EVI5L: variants seen among roughly 807,000 people sequenced by gnomAD.
EVI5L encodes the protein ecotropic viral integration site 5 like.
In EVI5L, 30 loss-of-function variants were observed where a neutral mutation model predicts 106.1. The observed-to-expected ratio is 0.28, with a 90% CI of 0.21 to 0.38. The LOEUF is 0.38. Ranked by LOEUF, EVI5L falls within the 10% of genes least tolerant of loss-of-function variation. EVI5L has a pLI of 1.00. For synonymous variants in EVI5L, 489 were observed against 483.3 expected, an observed-to-expected ratio of 1.01 and a Z score of -0.15; for missense variants, 809 against 1,098.0, an observed-to-expected ratio of 0.74 and a Z score of 3.72.
At chr19:7,833,304 C>G (rs1329305984) in intron 1 of EVI5L, among the ~76,000 whole-genome samples, 1 of 152,260 alleles carries the variant, frequency 6.6e-6, no homozygotes, top group Non-Finnish European at 1.5e-5. Context: ...GGTCCCTGCT[C>G]TGCGTCTAAA....
chr19:7,851,535 A>G lies in EVI5L; in HGVS notation c.855A>G (p.Pro285=). 3.1e-6 allele frequency: 5 copies of G among 1,609,522 alleles called. No individual in the cohort carries two copies. The highest frequency in any genetic ancestry group is 4.2e-6 in the Non-Finnish European group (5 of 1,178,390). ...WFLTLFLTTF[P]LPVATRVFDI... ...TCACACTGTTCCTGACCACCTTCCC[A>G]CTCCCCGTCGCCACCCGGGTCTTTG... The change falls in exon 7 of 20, where the codon CCA becomes CCG. Residue 285 remains proline (P), a synonymous_variant. Transcript: ENST00000538904.
intron 13 of EVI5L, 76 bp from the exon 14 acceptor site, chr19:7,860,483 GGA>G: frequency 7.6e-7 from 1 of 1,321,730 alleles, no homozygotes; most frequent in Non-Finnish European, 1.0e-6. Flanking sequence ...GGGGAGGCGG[GGA>G]GAAGCCAGCA....
At chr19:7,831,910 C>T (rs1313597162) in intron 1 of EVI5L, among the ~76,000 whole-genome samples, 1 of 152,266 alleles carries the variant, frequency 6.6e-6, no homozygotes, top group Admixed American at 6.5e-5. Context: ...TCTATCTTGG[C>T]ATTTGAGACC....
chr19:7,847,846 G>A lies in EVI5L; in HGVS notation c.252G>A (p.Glu84=), dbSNP rs1247444698. 7 of 1,608,340 alleles carry A rather than the reference G, an allele frequency of 4.4e-6. No homozygotes were observed. In the South Asian group the frequency reaches 6.7e-5, roughly 15 times the overall value. ...CCTCCAACCTGAGCCACCTGGAGGA[G>A]GACACGTGGATCCTGTGGGGCCGGA... ...SASSNLSHLE[E]DTWILWGRIA... is the part of the protein sequence containing the mutation. The change falls in exon 3 of 20, where the codon GAG becomes GAA. Residue 84 remains glutamate (E), a synonymous_variant. Coordinates refer to ENST00000538904, the MANE Select transcript of EVI5L (RefSeq NM_001159944.3).
chr19:7,846,415 T>G (rs1599567290), intron 1 of EVI5L, 81 bp from the exon 2 acceptor site: 15 of 1,309,368 alleles, frequency 1.1e-5, no homozygotes, highest in East Asian at 5.0e-5. Context: ...AAGCCCAGGG[T>G]GAGGAAATGT....
intron 1 of EVI5L, among the ~76,000 whole-genome samples, chr19:7,830,728 G>A (rs1211433563): frequency 3.1e-5 from 1 of 32,376 alleles, no homozygotes; most frequent in Non-Finnish European, 6.1e-5. Context: ...CCCCCACTCC[G>A]CCGATCAGCC....
At chr19:7,832,366 T>C (rs920809975) in intron 1 of EVI5L, among the ~76,000 whole-genome samples, 1 of 152,218 alleles carries the variant, frequency 6.6e-6, no homozygotes, top group African/African-American at 2.4e-5. Flanking sequence ...ACAACATAAC[T>C]GTGCTCAGAA....
At position 7,853,154 on chromosome 19, in the gene EVI5L, G is replaced by A. The variant is rs1203519350; in HGVS notation, c.1056G>A (p.Gln352=). Residue 352 remains glutamine (Q), a synonymous_variant, in exon 9 of 20, where the codon CAG becomes CAA. Transcript: ENST00000538904. ...ACAAGCTGGTCCTCAAAGCCTACCA[G>A]GTCAAGTACAACCCCAAGAAGATGA... The part of the protein sequence containing the change: ...CPDKLVLKAY[Q]VKYNPKKMKR... The A allele has an allele frequency of 2.5e-6, 4 of 1,614,040 alleles. No individual in the cohort carries two copies. The highest frequency in any genetic ancestry group is 1.6e-4 in the Middle Eastern group (1 of 6,062).
chr19:7,858,131 G>C lies in EVI5L; in HGVS notation c.1234-60G>C. The C allele has an allele frequency of 6.5e-7, 1 of 1,527,374 alleles. No homozygotes were observed. Among genetic ancestry groups the C allele is most frequent in the Non-Finnish European group, 8.8e-7 (1 of 1,134,602 alleles). 94.6% of individuals were successfully genotyped at this position (1,527,374 alleles called of 1,614,324 possible). Reference sequence around the variant, plus strand: ...GCCTCCCCCTGTGGCGGGAGGCAGGGCCTTGGGTGGGAGCCGAGGGTCACG... The same window carrying C: ...GCCTCCCCCTGTGGCGGGAGGCAGGCCCTTGGGTGGGAGCCGAGGGTCACG... On this transcript the variant is annotated intron_variant, in intron 12 of 19. Transcript: ENST00000538904. The surrounding 1 kb of genome is among the most constrained non-coding windows in gnomAD (Gnocchi z 5.7).
Position 7,860,567 on chromosome 19 carries a change from C to T in EVI5L, c.1381C>T (p.Pro461Ser), listed in dbSNP as rs781045201. 2 of 1,590,310 alleles carry T rather than the reference C, an allele frequency of 1.3e-6. No homozygotes were observed. Among genetic ancestry groups the T allele is most frequent in the East Asian group, 2.3e-5 (1 of 44,046 alleles). Residue 461 changes from proline to serine, a missense_variant, in exon 14 of 20, where the codon CCC (proline) becomes TCC (serine). Around this residue, in one of 2 missense-constraint regions of EVI5L, gnomAD observed 452 missense variants for 509.9 expected, o/e 0.89. Coordinates refer to ENST00000538904, the MANE Select transcript of EVI5L (RefSeq NM_001159944.3). ...IRQLQEQQEN[P>S]RLTEDFVSHL... The stretch of plus-strand genomic sequence containing the variant: ...AGCTCTCTGCCTCCCCCAGGAGAAC[C>T]CCCGCCTCACAGAAGACTTCGTGTC...
Position 7,863,838 on chromosome 19 carries a change from C to T in EVI5L, c.*136C>T, listed in dbSNP as rs1034459631. Reference sequence around the variant, plus strand: ...GCTCGGCCACCCCTAAAGCGAGGCCCGGCGAGGCAGCGCAGAGGGTAGGGT... The same window carrying T: ...GCTCGGCCACCCCTAAAGCGAGGCCTGGCGAGGCAGCGCAGAGGGTAGGGT... On this transcript the variant is annotated 3_prime_UTR_variant, in exon 20 of 20. Coordinates refer to ENST00000538904, the MANE Select transcript of EVI5L (RefSeq NM_001159944.3). This position sits in a 1 kb window ranked among gnomAD's most constrained non-coding sequence, Gnocchi z 7.7. 6.3e-6 allele frequency: 8 copies of T among 1,271,258 alleles called. No homozygotes were observed. Among genetic ancestry groups the T allele is most frequent in the African/African-American group, 4.7e-5 (3 of 63,356 alleles). The allele number at this position is 1,271,258 out of a possible 1,614,324, so 78.7% of individuals were successfully genotyped here. A position where few individuals can be genotyped will look rare whatever the true frequency, so the allele number is the denominator to read the frequency against.
chr19:7,837,185 G>C lies in EVI5L; in HGVS notation c.-48+6804G>C, dbSNP rs1031073579. On this transcript the variant is annotated intron_variant, in intron 1 of 19. Transcript: ENST00000538904. Reference sequence around the variant, plus strand: ...ATCTCTACTAAAAATACAGAAATTAGCCGGGCGTGGTGGTGCGCACCTGTA... The same window carrying C: ...ATCTCTACTAAAAATACAGAAATTACCCGGGCGTGGTGGTGCGCACCTGTA... Among the ~76,000 whole-genome samples the C allele has an allele frequency of 5.9e-5, 9 of 151,804 alleles. No homozygotes were observed. In the South Asian group the frequency reaches 1.9e-3, roughly 32 times the overall value.
At chr19:7,839,782 G>A (rs1323110573) in intron 1 of EVI5L, among the ~76,000 whole-genome samples, 1 of 151,948 alleles carries the variant, frequency 6.6e-6, no homozygotes, top group Non-Finnish European at 1.5e-5. Flanking sequence ...AATTGGCAAG[G>A]CATGGTGGCG....
At chr19:7,862,039 G>C in intron 15 of EVI5L, 21 bp downstream of exon 15, 2 of 1,539,680 alleles carry the variant, frequency 1.3e-6, no homozygotes, top group Admixed American at 2.0e-5. Flanking sequence ...GGTGGGCGCC[G>C]GCGGGCAGAG....
rs2146434215 is a variant in EVI5L, at chr19:7,856,450, C to A, written c.1200+382C>A. On this transcript the variant is annotated intron_variant, in intron 11 of 19. Transcript: ENST00000538904. The surrounding 1 kb of genome is among the most constrained non-coding windows in gnomAD (Gnocchi z 6.6). ...CACCCTGTAATTTGGAAGTCTTGCC[C>A]TCAAAAGAAAGGAAAGGAAACCCAG... 6.6e-6 allele frequency among the ~76,000 whole-genome samples: 1 copy of A among 152,128 alleles called. No individual in the cohort carries two copies. The highest frequency in any genetic ancestry group is 2.4e-5 in the African/African-American group (1 of 41,500).
chr19:7,843,740 GTT>G (rs1978818441), intron 1 of EVI5L, among the ~76,000 whole-genome samples: 1 of 151,970 alleles, frequency 6.6e-6, no homozygotes, highest in African/African-American at 2.4e-5. Context: ...ATGTGTGAGA[GTT>G]TGTATGTGAG....
In EVI5L at chr19:7,856,413, C is replaced by T. The variant is rs1334121804; in HGVS notation, c.1200+345C>T. On this transcript the variant is annotated intron_variant, in intron 11 of 19. Coordinates refer to ENST00000538904, the MANE Select transcript of EVI5L (RefSeq NM_001159944.3). The surrounding 1 kb of genome is among the most constrained non-coding windows in gnomAD (Gnocchi z 6.6). ...TGATGGACGAGCCCCGTAATTGGGC[C>T]ACAAGCCACCCCACCCTGTAATTTG... Among the ~76,000 whole-genome samples, 9 of 152,166 alleles carry T rather than the reference C, an allele frequency of 5.9e-5. No homozygotes were observed. Among genetic ancestry groups the T allele is most frequent in the Non-Finnish European group, 1.5e-5 (1 of 67,994 alleles).
Position 7,863,412 on chromosome 19 carries a change from C to A in EVI5L, c.2140-12C>A. ...GCCGGTCCACGCCTGCAGCGCCGGTCCCCCGCCCCAGGTGCGGCTGCTGAA... is the reference window on the plus strand; with the variant it reads ...GCCGGTCCACGCCTGCAGCGCCGGTACCCCGCCCCAGGTGCGGCTGCTGAA... On this transcript the variant is annotated splice_polypyrimidine_tract_variant and intron_variant, in intron 19 of 19. Transcript: ENST00000538904. The surrounding 1 kb of genome is among the most constrained non-coding windows in gnomAD (Gnocchi z 7.7). The A allele has an allele frequency of 1.3e-6, 2 of 1,532,518 alleles. No individual in the cohort carries two copies. The highest frequency in any genetic ancestry group is 1.2e-5 in the South Asian group (1 of 81,862). The allele number at this position is 1,532,518 out of a possible 1,614,324, so 94.9% of individuals were successfully genotyped here.
chr19:7,840,979 C>T (rs1047070797), intron 1 of EVI5L, among the ~76,000 whole-genome samples: 2 of 152,124 alleles, frequency 1.3e-5, no homozygotes, highest in African/African-American at 4.8e-5. Flanking sequence ...TGCCAGGTGG[C>T]GTGGTGACAG....
Sources: gnomAD v4.1 joint callset for allele counts (sites outside exome capture counted in the v4.1 genomes callset) on GRCh38, gnomAD v4.1.1 for gene constraint, gnomAD v4.1.1 regional missense constraint, Gnocchi (gnomAD v3.1) non-coding constraint, MANE v1.5 for transcripts, NCBI Gene and HGNC (gene_info 2026-07-23, HGNC 2026-07-21) for gene names.